The following ATM variants were observed in gnomAD, a reference collection of about 807,000 sequenced individuals.
The protein encoded by ATM is serine-protein kinase ATM.
ATM carries 308 observed loss-of-function variants against 387.0 expected under a neutral mutation model. That is an observed-to-expected ratio of 0.80 (90% CI 0.73 to 0.87). The LOEUF (loss-of-function observed/expected upper bound fraction) is 0.87, where lower values mean the gene tolerates loss of function less well. Among genes scored for constraint, ATM ranks in the 40% least tolerant of loss-of-function variants. The probability of loss-of-function intolerance (pLI) is 0.00; values close to 1 mark genes in which losing one functional copy is unlikely to be tolerated. For synonymous variants in ATM, 1,156 were observed against 1,187.3 expected, an observed-to-expected ratio of 0.97 and a Z score of 0.54; for missense variants, 3,312 against 3,560.9, an observed-to-expected ratio of 0.93 and a Z score of 1.78.
At chr11:108,350,022 G>C (rs777194732) in intron 59 of ATM, among the ~76,000 whole-genome samples, 2 of 152,130 alleles carry the variant, frequency 1.3e-5, no homozygotes, top group Non-Finnish European at 2.9e-5. Context: ...ATGCTCATTT[G>C]CTAAGAATTG....
At chr11:108,232,595 A>G (rs933578921) in intron 4 of ATM, among the ~76,000 whole-genome samples, 1 of 115,080 alleles carries the variant, frequency 8.7e-6, no homozygotes, top group Admixed American at 1.3e-4. Flanking sequence ...GCTGGAGTGC[A>G]GTGGTGCAGT....
intron 34 of ATM, 98 bp downstream of exon 34, chr11:108,299,983 C>G: frequency 8.2e-7 from 1 of 1,217,010 alleles, no homozygotes; most frequent in South Asian, 1.3e-5. Context: ...AAAGCTTTGT[C>G]CTTTTTTAAA....
At chr11:108,270,786 C>T (rs959042588) in intron 18 of ATM, among the ~76,000 whole-genome samples, 5 of 152,064 alleles carry the variant, frequency 3.3e-5, no homozygotes, top group African/African-American at 1.2e-4. Flanking sequence ...ACCTTCGCCT[C>T]CCAGGTTCAA....
At chr11:108,325,950 T>C in intron 46 of ATM, 108 bp from the exon 47 acceptor site, 1 of 1,343,398 alleles carries the variant, frequency 7.4e-7, no homozygotes, top group South Asian at 1.2e-5. Context: ...CCCTGACAAG[T>C]AGTTAAGTCC....
intron 61 of ATM, among the ~76,000 whole-genome samples, chr11:108,359,901 G>A (rs1565595595): frequency 2.0e-5 from 3 of 152,078 alleles, no homozygotes; most frequent in Non-Finnish European, 2.9e-5. Flanking sequence ...AAAAGGAAGA[G>A]CAAACACATT....
At chr11:108,349,426 A>G (rs1431769192) in intron 59 of ATM, among the ~76,000 whole-genome samples, 2 of 152,178 alleles carry the variant, frequency 1.3e-5, no homozygotes, top group African/African-American at 4.8e-5. Flanking sequence ...ACACTTTGGG[A>G]GGCCAAGGCA....
At position 108,229,233 on chromosome 11, in the gene ATM, A is replaced by G. The variant is rs758962678; in HGVS notation, c.241A>G (p.Asn81Asp). ...ETECLRIAKP[N>D]VSASTQASRQ... is the part of the protein sequence containing the mutation. ...AGAATGTCTGAGAATAGCAAAACCA[A>G]ATGTATCAGCCTCAACACAAGCCTC... Residue 81 changes from asparagine (N) to aspartate (D), a missense_variant, in exon 4 of 63, where the codon AAT (asparagine) becomes GAT (aspartate). Asn to Asp is a conservative substitution (Grantham distance 23, BLOSUM62 1). Coordinates refer to ENST00000675843, the MANE Select transcript of ATM (RefSeq NM_000051.4). 23 of 1,613,572 alleles carry G rather than the reference A, an allele frequency of 1.4e-5. No individual in the cohort carries two copies. In the Admixed American group the frequency reaches 3.7e-4, roughly 26 times the overall value.
chr11:108,305,764 T>C (rs1252814667), intron 37 of ATM, among the ~76,000 whole-genome samples: 2 of 152,082 alleles, frequency 1.3e-5, no homozygotes, highest in Admixed American at 6.5e-5. Context: ...CCACCAAGGG[T>C]TGGGTATGTA....
intron 43 of ATM, among the ~76,000 whole-genome samples, chr11:108,318,229 G>T (rs1165806001): frequency 1.3e-5 from 2 of 152,064 alleles, no homozygotes. Context: ...AGGCGTGGCA[G>T]CATGCGCCTG....
intron 22 of ATM, among the ~76,000 whole-genome samples, chr11:108,276,840 G>A (rs908165477): frequency 9.2e-5 from 14 of 152,178 alleles, no homozygotes; most frequent in Non-Finnish European, 1.5e-4. Flanking sequence ...GAGGCACGGG[G>A]GTCAGGGACC....
chr11:108,240,057 C>T (rs940421711), intron 5 of ATM, among the ~76,000 whole-genome samples: 1 of 152,210 alleles, frequency 6.6e-6, no homozygotes, highest in African/African-American at 2.4e-5. Flanking sequence ...CAACATCTTG[C>T]ACCAGTGGTA....
chr11:108,297,900 C>T (rs1210193139), intron 33 of ATM, among the ~76,000 whole-genome samples: 1 of 151,854 alleles, frequency 6.6e-6, no homozygotes, highest in Non-Finnish European at 1.5e-5. Context: ...TTTGAAAATG[C>T]CTTGTAAATA....
Position 108,258,984 on chromosome 11 carries a change from A to G in ATM, c.2377-2A>G, listed in dbSNP as rs1057516553. 1.2e-6 allele frequency: 2 copies of G among 1,612,102 alleles called. No homozygotes were observed. The highest frequency in any genetic ancestry group is 1.1e-5 in the South Asian group (1 of 91,040). ...TTGGTTCTTTGTTTGTCTTAATTGC[A>G]GAAGAGTCCAAATAAGATTGCATCT... On this transcript the variant is annotated splice_acceptor_variant, in intron 15 of 62. Coordinates refer to ENST00000675843, the MANE Select transcript of ATM (RefSeq NM_000051.4). LOFTEE classifies it high-confidence loss of function.
chr11:108,304,961 C>T (rs1329534613), intron 37 of ATM, 109 bp downstream of exon 37: 5 of 1,320,950 alleles, frequency 3.8e-6, no homozygotes, highest in Non-Finnish European at 5.2e-6. Context: ...TCTATAACCT[C>T]TAAATTTGTT....
intron 16 of ATM, among the ~76,000 whole-genome samples, chr11:108,265,302 A>T (rs2081163234): frequency 6.6e-6 from 1 of 152,150 alleles, no homozygotes; most frequent in African/African-American, 2.4e-5. Context: ...TCAATGGAAC[A>T]GAACAGAGCC....
chr11:108,337,729 T>C (rs2087007450), intron 56 of ATM, among the ~76,000 whole-genome samples: 1 of 152,248 alleles, frequency 6.6e-6, no homozygotes, highest in African/African-American at 2.4e-5. Context: ...TAAGAAGTTT[T>C]TAGAGACTAG....
At chr11:108,261,779 A>C (rs1218318817) in intron 16 of ATM, among the ~76,000 whole-genome samples, 1 of 152,178 alleles carries the variant, frequency 6.6e-6, no homozygotes, top group Non-Finnish European at 1.5e-5. Context: ...AATACAGAGA[A>C]GTGCTTAAAG....
chr11:108,359,565 A>G (rs1413641536), intron 61 of ATM, among the ~76,000 whole-genome samples: 4 of 152,182 alleles, frequency 2.6e-5, no homozygotes, highest in Non-Finnish European at 5.9e-5. Flanking sequence ...TCCTCAGCAA[A>G]TGTAAAAGAA....
Position 108,279,535 on chromosome 11 carries a change from C to T in ATM, c.3329C>T (p.Ala1110Val), listed in dbSNP as rs1479434069. The T allele has an allele frequency of 6.2e-7, 1 of 1,613,654 alleles. No homozygotes were observed. Among genetic ancestry groups the T allele is most frequent in the Admixed American group, 1.7e-5 (1 of 59,988 alleles). Residue 1110 changes from alanine to valine, a missense_variant, in exon 23 of 63, where the codon GCA becomes GTA. Around this residue, in one of 4 missense-constraint regions of ATM, gnomAD observed 1,791 missense variants for 1,804.5 expected, o/e 0.99. Coordinates refer to ENST00000675843, the MANE Select transcript of ATM (RefSeq NM_000051.4). ...GGAGATTCTTCCAGGTTACTGAAAG[C>T]ACTTCCTTTGAAGCTTCAGCAAACA... ...TKGDSSRLLKALPLKLQQTAF... is the reference protein window; with the variant it reads ...TKGDSSRLLKVLPLKLQQTAF...
Sources: gnomAD v4.1 joint callset for allele counts (sites outside exome capture counted in the v4.1 genomes callset) on GRCh38, gnomAD v4.1.1 for gene constraint, gnomAD v4.1.1 regional missense constraint, MANE v1.5 for transcripts, NCBI Gene and HGNC (gene_info 2026-07-23, HGNC 2026-07-21) for gene names.